The following TCEANC2 variants were observed in gnomAD, a reference collection of about 807,000 sequenced individuals.
The protein encoded by TCEANC2 is transcription elongation factor A N-terminal and central domain containing 2, also known as transcription elongation factor A N-terminal and central domain-containing protein 2.
In TCEANC2, 20 loss-of-function variants were observed where a neutral mutation model predicts 22.8. The ratio of observed to expected loss-of-function variants is 0.88; its 90% CI spans 0.62 to 1.28. The LOEUF (loss-of-function observed/expected upper bound fraction) is 1.28, where lower values mean the gene tolerates loss of function less well. Among genes scored for constraint, TCEANC2 ranks in the 50% most tolerant of loss-of-function variants. The pLI is 0.00. For synonymous variants in TCEANC2, 84 were observed against 95.5 expected, an observed-to-expected ratio of 0.88 and a Z score of 0.70; for missense variants, 251 against 249.7, an observed-to-expected ratio of 1.01 and a Z score of -0.03.
Position 54,103,890 on chromosome 1 carries a change from G to GATAGATTATGGGATCT in TCEANC2, c.*7432_*7447dup, listed in dbSNP as rs1461575426. 8 of 152,212 alleles carry GATAGATTATGGGATCT rather than the reference G, an allele frequency of 5.3e-5. No individual in the cohort carries two copies. The highest frequency in any genetic ancestry group is 1.7e-4 in the African/African-American group (7 of 41,430). The allele number at this position is 152,212 out of a possible 1,614,324, so 9.4% of individuals were successfully genotyped here. On this transcript the variant is annotated 3_prime_UTR_variant, in exon 5 of 5. Coordinates refer to ENST00000234827, the MANE Select transcript of TCEANC2 (RefSeq NM_153035.3). ...GCTTATAGAATGTTTAATCTACTGG[G>GATAGATTATGGGATCT]ATAGATTATGGGATCTATAGATTAT... is the stretch of plus-strand genomic sequence containing the variant.
intron 3 of TCEANC2, among the ~76,000 whole-genome samples, chr1:54,080,505 A>G (rs1658219812): frequency 6.6e-6 from 1 of 152,050 alleles, no homozygotes; most frequent in Admixed American, 6.6e-5. Flanking sequence ...TGACCCCTTT[A>G]CCAGCTGAAT....
chr1:54,054,188 G>T, intron 1 of TCEANC2, 193 bp from the exon 2 acceptor site: 1 of 1,382,344 alleles, frequency 7.2e-7, no homozygotes, highest in Non-Finnish European at 9.6e-7. Context: ...TCAGGACGTA[G>T]ACTGATGATT....
chr1:54,062,864 G>A (rs895379155), intron 2 of TCEANC2, among the ~76,000 whole-genome samples: 4 of 152,226 alleles, frequency 2.6e-5, no homozygotes, highest in Non-Finnish European at 5.9e-5. Flanking sequence ...GCCAAGTCAT[G>A]GAAGGCCTTT....
Position 54,099,400 on chromosome 1 carries a change from A to G in TCEANC2, c.*2927A>G, listed in dbSNP as rs1241354616. On this transcript the variant is annotated 3_prime_UTR_variant, in exon 5 of 5. Transcript: ENST00000234827. ...AAGGAAGCTTGCAGACATCCCTCCC[A>G]ATCTTGCCCACACACTGAGAAGTAA... 2 of 152,214 alleles carry G rather than the reference A, an allele frequency of 1.3e-5. No homozygotes were observed. 9.4% of individuals were successfully genotyped at this position (152,214 alleles called of 1,614,324 possible). A position where few individuals can be genotyped will look rare whatever the true frequency, so the allele number is the denominator to read the frequency against.
At chr1:54,109,369 A>G (rs1658808106), downstream of TCEANC2, among the ~76,000 whole-genome samples, 1 of 152,172 alleles carries the variant, frequency 6.6e-6, no homozygotes, top group East Asian at 1.9e-4. Flanking sequence ...AGGAGGAGGA[A>G]TAGCATGAAG....
intron 3 of TCEANC2, among the ~76,000 whole-genome samples, chr1:54,076,839 G>A (rs181319849): frequency 2.6e-5 from 4 of 152,256 alleles, no homozygotes; most frequent in Admixed American, 6.5e-5. Context: ...TGAGGAGACA[G>A]GCAATAAAGA....
At chr1:54,056,033 C>A (rs1009312204) in intron 2 of TCEANC2, among the ~76,000 whole-genome samples, 4 of 152,188 alleles carry the variant, frequency 2.6e-5, no homozygotes, top group Non-Finnish European at 4.4e-5. Context: ...ACTGAAAATG[C>A]CTTCTCATTT....
rs1658541513 is a variant in TCEANC2, at chr1:54,096,089, C to A, written c.439-196C>A. ...CAGGGGTTGTGAATGAGGTCCCTGT[C>A]ACAAAGCACATGGCCTTGTTCCTTA... On this transcript the variant is annotated intron_variant, in intron 4 of 4. Transcript: ENST00000234827. This position sits in a 1 kb window ranked among gnomAD's most constrained non-coding sequence, Gnocchi z 4.9. Among the ~76,000 whole-genome samples, 1 of 152,166 alleles carries A rather than the reference C, an allele frequency of 6.6e-6. No homozygotes were observed. Among genetic ancestry groups the A allele is most frequent in the Non-Finnish European group, 1.5e-5 (1 of 68,032 alleles).
chr1:54,107,496 T>G (rs988509349), downstream of TCEANC2, among the ~76,000 whole-genome samples: 8 of 152,038 alleles, frequency 5.3e-5, no homozygotes, highest in African/African-American at 1.9e-4. Context: ...TAACCCTCAC[T>G]CAAAGGTTAG....
At chr1:54,084,358 C>T (rs957217376) in intron 3 of TCEANC2, among the ~76,000 whole-genome samples, 5 of 152,012 alleles carry the variant, frequency 3.3e-5, no homozygotes, top group African/African-American at 4.8e-5. Context: ...TTTAAATGGA[C>T]TATAATTTAT....
At chr1:54,073,362 A>G (rs1200954490) in intron 3 of TCEANC2, among the ~76,000 whole-genome samples, 1 of 152,230 alleles carries the variant, frequency 6.6e-6, no homozygotes, top group Admixed American at 6.5e-5. Context: ...ATCAGAGGCC[A>G]TCTCTGACCT....
At chr1:54,060,404 C>CA (rs1204211675) in intron 2 of TCEANC2, among the ~76,000 whole-genome samples, 3,254 of 127,310 alleles carry the variant, frequency 0.026, 83 homozygotes, top group African/African-American at 0.072. Context: ...GACTCCATCT[C>CA]AAAAAAAAAA....
chr1:54,055,741 A>G (rs992093724), intron 2 of TCEANC2, among the ~76,000 whole-genome samples: 1 of 152,238 alleles, frequency 6.6e-6, no homozygotes, highest in Non-Finnish European at 1.5e-5. Context: ...TGGATGTCCC[A>G]CAGGCTTAGG....
chr1:54,096,763 C>A lies in TCEANC2; in HGVS notation c.*290C>A. 8.9e-7 allele frequency: 1 copy of A among 1,121,010 alleles called. No homozygotes were observed. Among genetic ancestry groups the A allele is most frequent in the Non-Finnish European group, 1.1e-6 (1 of 913,828 alleles). 69.4% of individuals were successfully genotyped at this position (1,121,010 alleles called of 1,614,324 possible). A position where few individuals can be genotyped will look rare whatever the true frequency, so the allele number is the denominator to read the frequency against. Reference sequence around the variant, plus strand: ...AACATGGTGAAAGGGTGATGGATTTCACTGTGAATATGCCAAGGACACCTC... The same window carrying A: ...AACATGGTGAAAGGGTGATGGATTTAACTGTGAATATGCCAAGGACACCTC... On this transcript the variant is annotated 3_prime_UTR_variant, in exon 5 of 5. Coordinates refer to ENST00000234827, the MANE Select transcript of TCEANC2 (RefSeq NM_153035.3). The surrounding 1 kb of genome is among the most constrained non-coding windows in gnomAD (Gnocchi z 4.9).
At chr1:54,081,379 C>T (rs1658240700) in intron 3 of TCEANC2, among the ~76,000 whole-genome samples, 1 of 152,088 alleles carries the variant, frequency 6.6e-6, no homozygotes, top group Non-Finnish European at 1.5e-5. Context: ...TAGGCATGTG[C>T]CACCATACCC....
In TCEANC2 at chr1:54,095,816, A is replaced by G. The variant is rs192813642; in HGVS notation, c.439-469A>G. ...CCTATTTCCTTATCTGTAAAATGTG[A>G]TAATAGGAGTTATGAGCATTAAATG... On this transcript the variant is annotated intron_variant, in intron 4 of 4. Coordinates refer to ENST00000234827, the MANE Select transcript of TCEANC2 (RefSeq NM_153035.3). 1.5e-3 allele frequency among the ~76,000 whole-genome samples: 233 copies of G among 152,294 alleles called. 2 individuals carry two copies. Among genetic ancestry groups the G allele is most frequent in the Admixed American group, 2.0e-3 (30 of 15,300 alleles).
At chr1:54,088,520 C>A (rs1024670826) in intron 3 of TCEANC2, 77 bp from the exon 4 acceptor site, 1 of 1,219,736 alleles carries the variant, frequency 8.2e-7, no homozygotes. Flanking sequence ...CAGTGCCACA[C>A]GTCAGTCCAT....
intron 3 of TCEANC2, among the ~76,000 whole-genome samples, chr1:54,069,747 G>A (rs1472411440): frequency 2.0e-5 from 3 of 152,138 alleles, no homozygotes; most frequent in African/African-American, 7.2e-5. Context: ...GGTATATACT[G>A]GGGACTTCAG....
intron 2 of TCEANC2, among the ~76,000 whole-genome samples, chr1:54,064,885 A>T (rs1443765395): frequency 6.6e-6 from 1 of 151,804 alleles, no homozygotes; most frequent in Non-Finnish European, 1.5e-5. Flanking sequence ...TTTTTAGTAG[A>T]GATGGGGTTT....
Sources: allele counts gnomAD v4.1 joint callset (sites outside exome capture counted in the v4.1 genomes callset), GRCh38; gene constraint gnomAD v4.1.1; non-coding constraint Gnocchi (gnomAD v3.1); transcripts MANE v1.5; gene names NCBI Gene and HGNC (gene_info 2026-07-23, HGNC 2026-07-21).